The following CNOT6L variants were observed in gnomAD, a reference collection of about 807,000 sequenced individuals.
CNOT6L encodes CCR4-NOT transcription complex subunit 6 like, also known as CCR4-NOT transcription complex subunit 6-like.
Under a neutral mutation model 64.0 loss-of-function variants are expected in CNOT6L, and 7 were observed. The observed-to-expected ratio is 0.11, with a 90% CI of 0.06 to 0.21. The LOEUF (loss-of-function observed/expected upper bound fraction) is 0.21. Ranked by LOEUF, CNOT6L falls within the 10% of genes least tolerant of loss-of-function variation. The probability of loss-of-function intolerance (pLI) is 1.00; values close to 1 mark genes in which losing one functional copy is unlikely to be tolerated. For synonymous variants in CNOT6L, 193 were observed against 243.4 expected (o/e 0.79, Z 1.93); for missense variants, 245 against 669.0 (o/e 0.37, Z 6.99).
intron 1 of CNOT6L, among the ~76,000 whole-genome samples, chr4:77,785,926 G>A (rs1166239935): frequency 6.6e-6 from 1 of 152,190 alleles, no homozygotes; most frequent in Non-Finnish European, 1.5e-5. Flanking sequence ...AAGGAAGGGG[G>A]TTGTAGGTGT....
At chr4:77,806,356 C>A (rs544923263) in intron 1 of CNOT6L, among the ~76,000 whole-genome samples, 39 of 151,750 alleles carry the variant, frequency 2.6e-4, no homozygotes, top group African/African-American at 8.9e-4. Context: ...ACCTGGGAGG[C>A]GGAGGTTGCA....
intron 1 of CNOT6L, among the ~76,000 whole-genome samples, chr4:77,783,969 T>C (rs573100173): frequency 2.6e-5 from 4 of 151,550 alleles, no homozygotes; most frequent in Admixed American, 1.3e-4. Context: ...ATAAAATGCA[T>C]AGGCATATGT....
intron 1 of CNOT6L, among the ~76,000 whole-genome samples, chr4:77,804,815 T>C (rs535623469): frequency 2.6e-5 from 4 of 152,168 alleles, no homozygotes; most frequent in South Asian, 2.1e-4. Flanking sequence ...TATTTATTAA[T>C]GAAAAAAGAT....
At chr4:77,732,336 T>C (rs765263048) in intron 8 of CNOT6L, among the ~76,000 whole-genome samples, 1 of 152,118 alleles carries the variant, frequency 6.6e-6, no homozygotes, top group Non-Finnish European at 1.5e-5. Context: ...GGTGAAGTCA[T>C]TTAACCTTTT....
intron 9 of CNOT6L, 74 bp downstream of exon 9, chr4:77,731,313 T>C: frequency 6.9e-7 from 1 of 1,441,828 alleles, no homozygotes; most frequent in Non-Finnish European, 9.5e-7. Flanking sequence ...GGCAAAATTC[T>C]CTTCACTTGT....
chr4:77,783,978 G>A (rs1241877510), intron 1 of CNOT6L, among the ~76,000 whole-genome samples: 1 of 151,430 alleles, frequency 6.6e-6, no homozygotes, highest in Non-Finnish European at 1.5e-5. Context: ...ATAGGCATAT[G>A]TGGCAATAAA....
intron 4 of CNOT6L, among the ~76,000 whole-genome samples, chr4:77,765,525 C>T (rs1379350997): frequency 1.3e-5 from 2 of 152,190 alleles, no homozygotes. Context: ...TTTACATAAA[C>T]TCTTTCAGAG....
intron 8 of CNOT6L, among the ~76,000 whole-genome samples, chr4:77,737,227 C>T (rs1284102510): frequency 6.6e-6 from 1 of 152,120 alleles, no homozygotes; most frequent in Non-Finnish European, 1.5e-5. Flanking sequence ...CATCCCAACA[C>T]TGTTAAAACC....
At chr4:77,731,329 G>A (rs1331679320) in intron 9 of CNOT6L, 58 bp downstream of exon 9, 2 of 1,524,772 alleles carry the variant, frequency 1.3e-6, no homozygotes, top group Non-Finnish European at 8.9e-7. Context: ...CTTGTTTTGA[G>A]ATGGAAAAAC....
chr4:77,743,552 T>C (rs1337656060), intron 7 of CNOT6L, among the ~76,000 whole-genome samples: 1 of 150,388 alleles, frequency 6.6e-6, no homozygotes, highest in African/African-American at 2.4e-5. Flanking sequence ...TCTCAGGCTA[T>C]GATGAAAAGA....
At chr4:77,775,664 T>G (rs996012556) in intron 2 of CNOT6L, among the ~76,000 whole-genome samples, 1 of 152,226 alleles carries the variant, frequency 6.6e-6, no homozygotes, top group African/African-American at 2.4e-5. Context: ...ATTTTGCATT[T>G]AGTTACCTCT....
chr4:77,796,338 A>G (rs1053054831), intron 1 of CNOT6L, among the ~76,000 whole-genome samples: 1 of 152,030 alleles, frequency 6.6e-6, no homozygotes, highest in Non-Finnish European at 1.5e-5. Flanking sequence ...TGCAATCCCT[A>G]TGTGTTGGGG....
At chr4:77,788,677 A>AGCC (rs1044215117) in intron 1 of CNOT6L, among the ~76,000 whole-genome samples, 5 of 152,184 alleles carry the variant, frequency 3.3e-5, no homozygotes, top group Non-Finnish European at 5.9e-5. Flanking sequence ...GCAGTGAGCC[A>AGCC]AGATTATGCC....
intron 5 of CNOT6L, among the ~76,000 whole-genome samples, chr4:77,754,091 A>G (rs1725183722): frequency 6.6e-6 from 1 of 152,178 alleles, no homozygotes; most frequent in East Asian, 1.9e-4. Context: ...CAAGAAAATT[A>G]AAAGGATTAG....
intron 11 of CNOT6L, 75 bp downstream of exon 11, chr4:77,726,071 GAAGATTATACAATTAATCATA>G: frequency 1.8e-6 from 2 of 1,122,526 alleles, no homozygotes; most frequent in Non-Finnish European, 2.7e-6. Flanking sequence ...AAAAATTCCT[GAAGATTATACAATTAATCATA>G]AAGAATTTAC....
chr4:77,817,811 GAC>G (rs1414509911), intron 1 of CNOT6L, among the ~76,000 whole-genome samples: 1 of 152,226 alleles, frequency 6.6e-6, no homozygotes, highest in African/African-American at 2.4e-5. Context: ...CTCTGGCCAT[GAC>G]ACAGAGTACG....
chr4:77,814,743 T>C (rs1733365905), intron 1 of CNOT6L, among the ~76,000 whole-genome samples: 1 of 152,090 alleles, frequency 6.6e-6, no homozygotes, highest in Non-Finnish European at 1.5e-5. Flanking sequence ...TCCCCAGAGA[T>C]CCCTAACCAA....
intron 1 of CNOT6L, among the ~76,000 whole-genome samples, chr4:77,801,186 ACT>A (rs770205126): frequency 2.0e-5 from 3 of 152,222 alleles, no homozygotes; most frequent in Non-Finnish European, 4.4e-5. Flanking sequence ...AAAACCAGCC[ACT>A]GAAAAGTAGA....
At chr4:77,769,668 T>C (rs1045225487) in intron 4 of CNOT6L, among the ~76,000 whole-genome samples, 3 of 152,162 alleles carry the variant, frequency 2.0e-5, no homozygotes, top group African/African-American at 4.8e-5. Context: ...TATTGGCTAA[T>C]AGGAGAATGA....
Sources: allele counts gnomAD v4.1 joint callset (sites outside exome capture counted in the v4.1 genomes callset), GRCh38; gene constraint gnomAD v4.1.1; transcripts MANE v1.5; gene names NCBI Gene and HGNC (gene_info 2026-07-23, HGNC 2026-07-21).